Variants in MADD observed in about 807,000 individuals in gnomAD.
MADD encodes MAP kinase-activating death domain protein.
MADD carries 109 observed loss-of-function variants against 176.7 expected under a neutral mutation model. The observed-to-expected ratio is 0.62, with a 90% CI of 0.53 to 0.72. MADD has a LOEUF of 0.72. Ranked by LOEUF, MADD falls within the 30% of genes least tolerant of loss-of-function variation. The pLI is 0.00. For synonymous variants in MADD, 771 were observed against 771.3 expected (o/e 1.00, Z 0.01); for missense variants, 1,914 against 2,045.5 (o/e 0.94, Z 1.24).
At chr11:47,312,725 G>A (rs999369493) in intron 26 of MADD, among the ~76,000 whole-genome samples, 10 of 152,092 alleles carry the variant, frequency 6.6e-5, no homozygotes, top group Admixed American at 5.2e-4. Flanking sequence ...GTGAACCACC[G>A]CACCTGGCTT....
chr11:47,326,721 C>G lies in MADD; in HGVS notation c.4543-17C>G, dbSNP rs756175992. The G allele has an allele frequency of 6.2e-7, 1 of 1,613,390 alleles. No homozygotes were observed. Among genetic ancestry groups the G allele is most frequent in the Admixed American group, 1.7e-5 (1 of 59,976 alleles). The stretch of plus-strand genomic sequence containing the variant: ...GAGCCTGTGGGCCTTACCCCGGCCT[C>G]CCTCCCTCTCTTGCAGGTTTTCATA... On this transcript the variant is annotated splice_polypyrimidine_tract_variant and intron_variant, in intron 30 of 32. Transcript: ENST00000402192.
intron 8 of MADD, among the ~76,000 whole-genome samples, chr11:47,282,097 A>G (rs2137180093): frequency 6.6e-6 from 1 of 152,004 alleles, no homozygotes; most frequent in Non-Finnish European, 1.5e-5. Context: ...GTCCTCCCAA[A>G]GTGCTGGGAT....
intron 15 of MADD, 33 bp from the exon 16 acceptor site, chr11:47,288,935 G>A: frequency 6.6e-7 from 1 of 1,522,960 alleles, no homozygotes; most frequent in Non-Finnish European, 9.0e-7. Flanking sequence ...CGGTATTGTG[G>A]TACACCTACT....
intron 19 of MADD, 120 bp downstream of exon 20, chr11:47,290,936 G>A (rs2064618896): frequency 1.3e-6 from 1 of 779,122 alleles, no homozygotes; most frequent in African/African-American, 1.7e-5. Flanking sequence ...AGAGAGGGAA[G>A]GGGGCCTGTG....
intron 25 of MADD, 28 bp downstream of exon 28, chr11:47,309,640 C>T: frequency 1.9e-6 from 3 of 1,552,750 alleles, no homozygotes; most frequent in South Asian, 1.1e-5. Context: ...GTGTCCAGCT[C>T]CGCTGATCCT....
chr11:47,302,386 G>C (rs1348164282), intron 22 of MADD, among the ~76,000 whole-genome samples: 1 of 152,112 alleles, frequency 6.6e-6, no homozygotes, highest in Non-Finnish European at 1.5e-5. Flanking sequence ...GCTAATTTTT[G>C]TATTTTTAGT....
intron 27 of MADD, among the ~76,000 whole-genome samples, chr11:47,316,379 CTTTTTCTTTTTTTTTTTTTTTTTTTTT>C (rs1393957233): frequency 7.1e-6 from 1 of 139,904 alleles, no homozygotes; most frequent in African/African-American, 2.6e-5. Context: ...TTTTTTTTTT[CTTTTTCTTTTTTTTTTTTTTTTTTTTT>C]GAGACGGAGT....
rs528850020 is a variant in MADD, at chr11:47,287,255, G to A, written c.2653+721G>A. Reference sequence around the variant, plus strand: ...GAGAATCGCTTGAATCCAGGAGGCGGAGGTTGCAGTGAGCCGAGGTCGCGC... The same window carrying A: ...GAGAATCGCTTGAATCCAGGAGGCGAAGGTTGCAGTGAGCCGAGGTCGCGC... On this transcript the variant is annotated intron_variant, in intron 15 of 32. Coordinates refer to ENST00000402192, the Ensembl canonical transcript of MADD. Among the ~76,000 whole-genome samples, 51 of 152,214 alleles carry A rather than the reference G, an allele frequency of 3.4e-4. 1 individual carries two copies. Among genetic ancestry groups the A allele is most frequent in the Non-Finnish European group, 6.8e-4 (46 of 68,042 alleles).
At chr11:47,328,235 G>C (rs975269826) in intron 31 of MADD, 2 of 1,086,256 alleles carry the variant, frequency 1.8e-6, no homozygotes, top group South Asian at 5.9e-5. Context: ...ACGAGTTCAC[G>C]GGTGTCTCAG....
exon 33 of MADD, chr11:47,329,232 C>G (rs2095801220): frequency 1.9e-6 from 2 of 1,046,472 alleles, no homozygotes; most frequent in Non-Finnish European, 3.0e-6. Flanking sequence ...GCTGCTGTGA[C>G]TGAGGAGTGG....
At chr11:47,276,767 C>G (rs1340161562) in exon 5 of MADD, 1 of 1,614,178 alleles carries the variant, frequency 6.2e-7, no homozygotes, top group Non-Finnish European at 8.5e-7. Flanking sequence ...ATGCACTCTC[C>G]ATGTCTGTGA....
chr11:47,316,544 G>A (rs373962917), intron 27 of MADD, among the ~76,000 whole-genome samples: 3 of 147,162 alleles, frequency 2.0e-5, no homozygotes, highest in Non-Finnish European at 4.5e-5. Context: ...GCCCACCACC[G>A]CACCCAGCTA....
chr11:47,269,242 G>A (rs1259278438), upstream of MADD: 1 of 153,544 alleles, frequency 6.5e-6, no homozygotes, highest in Non-Finnish European at 1.5e-5. Flanking sequence ...CCTTGGCCGT[G>A]AGAGGGGGCC....
rs761515758 is a variant in MADD, at chr11:47,282,771, T to C, written c.1706-42T>C. On this transcript the variant is annotated intron_variant, in intron 9 of 32. Coordinates refer to ENST00000402192, the Ensembl canonical transcript of MADD. ...TCTTTCAGGCGTTGCTTGCCTTTTT[T>C]TCCTTGCTGCTGACTTTCTGTTCTT... 3 of 1,605,122 alleles carry C rather than the reference T, an allele frequency of 1.9e-6. No homozygotes were observed. In the South Asian group the frequency reaches 3.3e-5, roughly 18 times the overall value.
Position 47,285,591 on chromosome 11 carries a change from G to C in MADD, c.2551+1G>C. The C allele has an allele frequency of 2.5e-6, 4 of 1,614,018 alleles. No individual in the cohort carries two copies. The highest frequency in any genetic ancestry group is 3.4e-6 in the Non-Finnish European group (4 of 1,180,022). ...TTCGGGGGCATCATGTCTTTTGCCA[G>C]TAAGTGCCTTCAGCTGTCTCTCTCA... is the stretch of plus-strand genomic sequence containing the variant. On this transcript the variant is annotated splice_donor_variant, in intron 14 of 32. Coordinates refer to ENST00000402192, the Ensembl canonical transcript of MADD. LOFTEE classifies it high-confidence loss of function.
At chr11:47,322,975 C>T (rs746260737) in intron 27 of MADD, among the ~76,000 whole-genome samples, 25 of 152,236 alleles carry the variant, frequency 1.6e-4, no homozygotes, top group Admixed American at 8.5e-4. Flanking sequence ...CGGTGGCTCA[C>T]GCCTGTAATC....
At chr11:47,274,937 G>A in exon 3 of MADD, 1 of 1,614,088 alleles carries the variant, frequency 6.2e-7, no homozygotes, top group Non-Finnish European at 8.5e-7. Flanking sequence ...CAGCCTCTCA[G>A]TGCTGACTCT....
At chr11:47,278,343 G>A (rs1482987923) in intron 6 of MADD, 65 bp downstream of exon 6, 2 of 1,169,836 alleles carry the variant, frequency 1.7e-6, no homozygotes, top group Non-Finnish European at 2.6e-6. Context: ...CCAGTCCTGA[G>A]ATATCTGTTT....
At chr11:47,327,668 T>C in intron 31 of MADD, 5 of 985,448 alleles carry the variant, frequency 5.1e-6, no homozygotes, top group Non-Finnish European at 6.0e-6. Flanking sequence ...CTTGGGGGAA[T>C]CTTCCAACTC....
Sources: gnomAD v4.1 joint callset for allele counts (sites outside exome capture counted in the v4.1 genomes callset) on GRCh38, gnomAD v4.1.1 for gene constraint, MANE v1.5 for transcripts, NCBI Gene and HGNC (gene_info 2026-07-23, HGNC 2026-07-21) for gene names.